The following CNTN5 variants were observed in gnomAD, a reference collection of about 807,000 sequenced individuals.
The protein encoded by CNTN5 is contactin 5, also known as contactin-5.
Under a neutral mutation model 129.1 loss-of-function variants are expected in CNTN5, and 77 were observed. That is an observed-to-expected ratio of 0.60 (90% CI 0.50 to 0.72). The LOEUF (loss-of-function observed/expected upper bound fraction) is 0.72, where lower values mean the gene tolerates loss of function less well. CNTN5 is among the 30% of genes least tolerant of loss of function. The pLI, the probability that CNTN5 is intolerant of heterozygous loss-of-function variation, is 0.00. For synonymous variants in CNTN5, 509 were observed against 465.6 expected, an observed-to-expected ratio of 1.09 and a Z score of -1.20; for missense variants, 1,478 against 1,328.8, an observed-to-expected ratio of 1.11 and a Z score of -1.75.
At chr11:99,783,894 G>C (rs552950571) in intron 3 of CNTN5, among the ~76,000 whole-genome samples, 1 of 151,440 alleles carries the variant, frequency 6.6e-6, no homozygotes, top group Admixed American at 6.6e-5. Context: ...TGGGTGCAGT[G>C]CACCAGCATG....
intron 9 of CNTN5, among the ~76,000 whole-genome samples, chr11:100,029,043 G>T (rs1295808380): frequency 6.6e-6 from 1 of 151,656 alleles, no homozygotes; most frequent in Non-Finnish European, 1.5e-5. Flanking sequence ...TAAAGACCAA[G>T]AGCCAAATAC....
intron 7 of CNTN5, among the ~76,000 whole-genome samples, chr11:99,934,630 C>G (rs1171443788): frequency 6.6e-6 from 1 of 151,872 alleles, no homozygotes; most frequent in Non-Finnish European, 1.5e-5. Flanking sequence ...TTTCTCATGC[C>G]TGTAATCCCA....
At chr11:99,654,772 A>G (rs1264266437) in intron 3 of CNTN5, among the ~76,000 whole-genome samples, 4 of 152,128 alleles carry the variant, frequency 2.6e-5, no homozygotes, top group Non-Finnish European at 1.5e-5. Context: ...ATCTTAGAAG[A>G]TGTATTGTGT....
At chr11:99,673,938 A>T (rs778266687) in intron 3 of CNTN5, among the ~76,000 whole-genome samples, 5 of 152,122 alleles carry the variant, frequency 3.3e-5, no homozygotes, top group Non-Finnish European at 5.9e-5. Context: ...TTTATATTAT[A>T]ATAGAACAAT....
chr11:100,067,476 A>AT (rs200903304), intron 10 of CNTN5, among the ~76,000 whole-genome samples: 14,962 of 147,542 alleles, frequency 0.1, 891 homozygotes, highest in East Asian at 0.19. Context: ...CCATTTCAGG[A>AT]TTTTTTTTTT....
intron 16 of CNTN5, among the ~76,000 whole-genome samples, chr11:100,244,608 T>A (rs71474551): frequency 6.6e-6 from 1 of 152,186 alleles, no homozygotes; most frequent in Non-Finnish European, 1.5e-5. Context: ...TCATGATTTG[T>A]GAAATGGGGA....
chr11:99,518,795 A>G (rs955699059), intron 2 of CNTN5, among the ~76,000 whole-genome samples: 1 of 152,032 alleles, frequency 6.6e-6, no homozygotes, highest in Non-Finnish European at 1.5e-5. Flanking sequence ...AATTATGCCC[A>G]TATAATGTCT....
At chr11:99,924,118 A>G (rs1158215095) in intron 7 of CNTN5, among the ~76,000 whole-genome samples, 1 of 152,156 alleles carries the variant, frequency 6.6e-6, no homozygotes, top group African/African-American at 2.4e-5. Flanking sequence ...CTTTTTATTA[A>G]TAGCCATTCT....
intron 1 of CNTN5, among the ~76,000 whole-genome samples, chr11:99,324,293 A>G (rs1426381246): frequency 6.6e-6 from 1 of 152,192 alleles, no homozygotes; most frequent in Non-Finnish European, 1.5e-5. Flanking sequence ...ATGGCCTTCA[A>G]TCACTCTGAG....
chr11:99,550,700 A>T (rs1413754690), intron 2 of CNTN5, among the ~76,000 whole-genome samples: 1 of 152,198 alleles, frequency 6.6e-6, no homozygotes, highest in Non-Finnish European at 1.5e-5. Context: ...ATTTCACAGA[A>T]TAACTAACAT....
At chr11:100,160,976 G>T (rs1435379854) in intron 13 of CNTN5, among the ~76,000 whole-genome samples, 7 of 151,900 alleles carry the variant, frequency 4.6e-5, no homozygotes, top group Non-Finnish European at 1.0e-4. Flanking sequence ...TATGACTCCA[G>T]AGCTTGTATT....
intron 3 of CNTN5, among the ~76,000 whole-genome samples, chr11:99,766,480 T>A (rs926904195): frequency 1.3e-5 from 2 of 152,032 alleles, no homozygotes; most frequent in Non-Finnish European, 2.9e-5. Context: ...TAACTCTATT[T>A]TATGTTCCTC....
At chr11:99,894,195 T>C (rs1949138193) in intron 6 of CNTN5, among the ~76,000 whole-genome samples, 1 of 152,132 alleles carries the variant, frequency 6.6e-6, no homozygotes, top group Non-Finnish European at 1.5e-5. Flanking sequence ...GTGGCATAGT[T>C]CACATTTCAA....
At chr11:99,381,569 T>C (rs1396046383) in intron 2 of CNTN5, among the ~76,000 whole-genome samples, 1 of 152,222 alleles carries the variant, frequency 6.6e-6, no homozygotes, top group Non-Finnish European at 1.5e-5. Context: ...ATTTTCAAGA[T>C]TAGTCAGAAG....
At chr11:99,622,786 T>G (rs2135770106) in intron 3 of CNTN5, among the ~76,000 whole-genome samples, 1 of 152,124 alleles carries the variant, frequency 6.6e-6, no homozygotes, top group African/African-American at 2.4e-5. Flanking sequence ...TGCTAACTTG[T>G]TAATTGATTT....
chr11:99,906,411 G>A (rs1046848770), intron 6 of CNTN5, among the ~76,000 whole-genome samples: 8 of 152,080 alleles, frequency 5.3e-5, no homozygotes, highest in Admixed American at 4.6e-4. Context: ...TGTGGTTTTT[G>A]TCACTAGTTC....
chr11:100,226,641 TCAC>T (rs1949381238), intron 16 of CNTN5, among the ~76,000 whole-genome samples: 2 of 152,278 alleles, frequency 1.3e-5, no homozygotes, highest in Middle Eastern at 3.4e-3. Context: ...TTTGATCAAG[TCAC>T]CACTTTTCTA....
At chr11:99,892,300 T>G (rs1328603658) in intron 6 of CNTN5, among the ~76,000 whole-genome samples, 2 of 152,210 alleles carry the variant, frequency 1.3e-5, no homozygotes, top group African/African-American at 2.4e-5. Context: ...AATGACAGTT[T>G]CTTTTGCTCT....
chr11:100,205,066 G>A (rs1948885698), intron 15 of CNTN5, among the ~76,000 whole-genome samples: 1 of 151,936 alleles, frequency 6.6e-6, no homozygotes, highest in Non-Finnish European at 1.5e-5. Flanking sequence ...ATTTATATAA[G>A]CAAACAGTTC....
Sources: gnomAD v4.1 joint callset for allele counts (sites outside exome capture counted in the v4.1 genomes callset) on GRCh38, gnomAD v4.1.1 for gene constraint, MANE v1.5 for transcripts, NCBI Gene and HGNC (gene_info 2026-07-23, HGNC 2026-07-21) for gene names.